The following ZPLD1 variants were observed in gnomAD, a reference collection of about 807,000 sequenced individuals.
The protein encoded by ZPLD1 is zona pellucida like domain containing 1, also known as zona pellucida-like domain-containing protein 1.
A neutral mutation model predicts 47.2 loss-of-function variants in ZPLD1; 34 were observed. The ratio of observed to expected loss-of-function variants is 0.72; its 90% CI spans 0.55 to 0.96. The LOEUF (loss-of-function observed/expected upper bound fraction) is 0.96. Ranked by LOEUF, ZPLD1 falls within the 40% of genes least tolerant of loss-of-function variation. The pLI, the probability that ZPLD1 is intolerant of heterozygous loss-of-function variation, is 0.00. For synonymous variants in ZPLD1, 176 were observed against 186.2 expected, an observed-to-expected ratio of 0.95 and a Z score of 0.45; for missense variants, 512 against 505.8, an observed-to-expected ratio of 1.01 and a Z score of -0.12.
chr3:102,438,576 T>A lies in ZPLD1; in HGVS notation c.89T>A (p.Leu30His), dbSNP rs1707126799. ...AACGGCTACAACTGTGATGCCAACCTCCACAGTAGATTTCCTGGTAAGTGT... is the reference window on the plus strand; with the variant it reads ...AACGGCTACAACTGTGATGCCAACCACCACAGTAGATTTCCTGGTAAGTGT... The part of the protein sequence containing the change: ...QFNGYNCDAN[L>H]HSRFPAERDI... Residue 30 changes from leucine (L) to histidine (H), a missense_variant, in exon 3 of 12, where the codon CTC becomes CAC. Coordinates refer to ENST00000466937, the MANE Select transcript of ZPLD1 (RefSeq NM_001329788.2). The A allele has an allele frequency of 6.2e-7, 1 of 1,612,292 alleles. No individual in the cohort carries two copies. The highest frequency in any genetic ancestry group is 8.5e-7 in the Non-Finnish European group (1 of 1,178,340).
At chr3:102,388,318 T>C (rs1015709610) in intron 6 of ZPLD1, among the ~76,000 whole-genome samples, 1 of 152,174 alleles carries the variant, frequency 6.6e-6, no homozygotes, top group African/African-American at 2.4e-5. Flanking sequence ...CTCATATTTG[T>C]AATTTTTGGC....
chr3:102,465,474 A>C (rs1481296071), intron 8 of ZPLD1, among the ~76,000 whole-genome samples: 2 of 152,204 alleles, frequency 1.3e-5, no homozygotes, highest in Non-Finnish European at 2.9e-5. Flanking sequence ...CTAATATATA[A>C]TTGTGTATAT....
At chr3:102,388,579 C>T (rs1706461427) in intron 6 of ZPLD1, among the ~76,000 whole-genome samples, 1 of 151,972 alleles carries the variant, frequency 6.6e-6, no homozygotes, top group Non-Finnish European at 1.5e-5. Flanking sequence ...ATGTCAGTTT[C>T]CTCCGGAATG....
chr3:102,406,306 T>C (rs990182401), intron 7 of ZPLD1, among the ~76,000 whole-genome samples: 4 of 151,932 alleles, frequency 2.6e-5, no homozygotes, highest in Admixed American at 6.6e-5. Flanking sequence ...GGGCACCCTT[T>C]TCTATGGCAT....
intron 2 of ZPLD1, 46 bp from the exon 3 acceptor site, chr3:102,438,434 A>T: frequency 7.3e-7 from 1 of 1,377,322 alleles, no homozygotes; most frequent in Non-Finnish European, 1.0e-6. Context: ...AGTAGGAGTG[A>T]AGGAGTTAAG....
At chr3:102,417,591 T>C (rs1272088929) in intron 7 of ZPLD1, among the ~76,000 whole-genome samples, 2 of 151,974 alleles carry the variant, frequency 1.3e-5, no homozygotes, top group Non-Finnish European at 2.9e-5. Flanking sequence ...GCTTGCATTG[T>C]CAGCCTCTTA....
intron 6 of ZPLD1, among the ~76,000 whole-genome samples, chr3:102,461,452 C>A (rs1707506058): frequency 6.6e-6 from 1 of 151,920 alleles, no homozygotes; most frequent in African/African-American, 2.4e-5. Flanking sequence ...CTCTCTAGAA[C>A]TGGTCCAAAA....
chr3:102,451,273 A>G (rs1707333092), intron 3 of ZPLD1, among the ~76,000 whole-genome samples: 1 of 152,226 alleles, frequency 6.6e-6, no homozygotes, highest in African/African-American at 2.4e-5. Flanking sequence ...ATTTAAGCAA[A>G]TTAATTCTAT....
In ZPLD1 at chr3:102,438,500, T is replaced by C. The variant is rs749477019; in HGVS notation, c.13T>C (p.Trp5Arg). 4.3e-6 allele frequency: 7 copies of C among 1,613,880 alleles called. No individual in the cohort carries two copies. The highest frequency in any genetic ancestry group is 5.1e-6 in the Non-Finnish European group (6 of 1,179,790). Reference protein sequence around the residue: MEQIWLLLLLTIRVL... With the variant: MEQIRLLLLLTIRVL... The stretch of plus-strand genomic sequence containing the variant: ...TCCAGGTTTTGCAATGGAACAAATA[T>C]GGTTGCTGCTGCTTCTAACAATTAG... The change falls in exon 3 of 12, where the codon TGG becomes CGG. Residue 5 changes from tryptophan to arginine, a missense_variant. Physicochemically the swap from Trp to Arg is moderately radical, Grantham distance 101. Coordinates refer to ENST00000466937, the MANE Select transcript of ZPLD1 (RefSeq NM_001329788.2).
chr3:102,400,884 C>T (rs1354204161), intron 7 of ZPLD1, among the ~76,000 whole-genome samples: 2 of 152,050 alleles, frequency 1.3e-5, no homozygotes, highest in African/African-American at 4.8e-5. Flanking sequence ...CTCCCTTTGG[C>T]CTATGATATT....
intron 8 of ZPLD1, 30 bp downstream of exon 8, chr3:102,464,281 GA>G: frequency 7.0e-7 from 1 of 1,428,658 alleles, no homozygotes; most frequent in Non-Finnish European, 9.9e-7. Context: ...GTATTATATT[GA>G]TACCAATGAC....
intron 7 of ZPLD1, among the ~76,000 whole-genome samples, chr3:102,393,260 G>T (rs1706519267): frequency 6.6e-6 from 1 of 152,042 alleles, no homozygotes; most frequent in Admixed American, 6.6e-5. Context: ...CCAACTACCG[G>T]CCCAGAAGTA....
intron 3 of ZPLD1, among the ~76,000 whole-genome samples, chr3:102,449,815 G>T (rs1386907567): frequency 1.3e-5 from 2 of 152,080 alleles, no homozygotes; most frequent in East Asian, 3.8e-4. Flanking sequence ...GTGGTTTCAG[G>T]CACCCACTGG....
chr3:102,463,386 A>G (rs1424440421), intron 7 of ZPLD1, among the ~76,000 whole-genome samples: 2 of 152,244 alleles, frequency 1.3e-5, no homozygotes, highest in African/African-American at 2.4e-5. Flanking sequence ...ATATCTAGAA[A>G]CAAAAAGCTA....
chr3:102,392,450 G>C (rs1706506567), intron 7 of ZPLD1, among the ~76,000 whole-genome samples: 1 of 152,094 alleles, frequency 6.6e-6, no homozygotes, highest in African/African-American at 2.4e-5. Flanking sequence ...AGAGTTCCAA[G>C]GTGGTGCAGG....
chr3:102,439,406 GC>G (rs771107353), intron 3 of ZPLD1, among the ~76,000 whole-genome samples: 5 of 152,136 alleles, frequency 3.3e-5, no homozygotes, highest in Non-Finnish European at 4.4e-5. Flanking sequence ...CTACAACAGA[GC>G]CCACATCAGA....
intron 10 of ZPLD1, among the ~76,000 whole-genome samples, chr3:102,471,055 GC>G (rs1707677364): frequency 6.6e-6 from 1 of 152,128 alleles, no homozygotes; most frequent in East Asian, 1.9e-4. Context: ...GGGATTACAG[GC>G]GTGATCCCAG....
intron 3 of ZPLD1, among the ~76,000 whole-genome samples, chr3:102,446,217 C>T (rs866235142): frequency 6.6e-6 from 1 of 152,144 alleles, no homozygotes; most frequent in African/African-American, 2.4e-5. Flanking sequence ...AAGTAAATAT[C>T]CACTCTCCGA....
chr3:102,436,075 T>TA (rs2107318609), intron 1 of ZPLD1, among the ~76,000 whole-genome samples: 1 of 152,310 alleles, frequency 6.6e-6, no homozygotes, highest in African/African-American at 2.4e-5. Context: ...TCGTATTCAT[T>TA]AAAAAATGGT....
Sources: gnomAD v4.1 joint callset for allele counts (sites outside exome capture counted in the v4.1 genomes callset) on GRCh38, gnomAD v4.1.1 for gene constraint, MANE v1.5 for transcripts, NCBI Gene and HGNC (gene_info 2026-07-23, HGNC 2026-07-21) for gene names.